Variants in UBIAD1 observed in about 807,000 individuals in gnomAD.
UBIAD1 encodes ubiA prenyltransferase domain-containing protein 1.
Under a neutral mutation model 20.1 loss-of-function variants are expected in UBIAD1, and 12 were observed. The observed-to-expected ratio is 0.60, with a 90% confidence interval of 0.38 to 0.97. The LOEUF is 0.97. Among genes scored for constraint, UBIAD1 ranks in the 50% least tolerant of loss-of-function variants. The pLI is 0.00. For synonymous variants in UBIAD1, 207 were observed against 189.2 expected, an observed-to-expected ratio of 1.09 and a Z score of -0.77; for missense variants, 333 against 419.5, an observed-to-expected ratio of 0.79 and a Z score of 1.80.
chr1:11,293,254 A>G (rs939909539), downstream of UBIAD1, among the ~76,000 whole-genome samples: 2 of 152,122 alleles, frequency 1.3e-5, no homozygotes, highest in African/African-American at 4.8e-5. Flanking sequence ...GGGGTCCTCC[A>G]AATTCCGCAC....
At chr1:11,292,603 G>C (rs1010169661), downstream of UBIAD1, among the ~76,000 whole-genome samples, 2 of 151,488 alleles carry the variant, frequency 1.3e-5, no homozygotes, top group Non-Finnish European at 2.9e-5. Context: ...TCAGACTGTT[G>C]ACTGTCTGGC....
At position 11,287,076 on chromosome 1, in the gene UBIAD1, G is replaced by A. The variant is rs2101024242; in HGVS notation, c.*945G>A. ...ACCTCTGTGGTGTTCCCATTTGTGT[G>A]TTTCCCATCTGTGGAGCCAGACTGA... On this transcript the variant is annotated 3_prime_UTR_variant, in exon 2 of 2. Transcript: ENST00000376810. The A allele has an allele frequency of 7.2e-6, 1 of 139,602 alleles. No homozygotes were observed. Among genetic ancestry groups the A allele is most frequent in the Non-Finnish European group, 1.5e-5 (1 of 66,726 alleles). The allele number at this position is 139,602 out of a possible 1,614,324, so 8.6% of individuals were successfully genotyped here. A position where few individuals can be genotyped will look rare whatever the true frequency, so the allele number is the denominator to read the frequency against.
downstream of UBIAD1, among the ~76,000 whole-genome samples, chr1:11,289,582 TG>T (rs1191535874): frequency 4.4e-4 from 67 of 152,168 alleles, no homozygotes; most frequent in African/African-American, 1.6e-3. Context: ...TTATTTTTTT[TG>T]AGACTATGTC....
downstream of UBIAD1, among the ~76,000 whole-genome samples, chr1:11,289,848 A>C (rs1457947901): frequency 6.6e-6 from 1 of 151,766 alleles, no homozygotes; most frequent in African/African-American, 2.4e-5. Flanking sequence ...CTCCCACCTT[A>C]GCCTCCTGAG....
At chr1:11,295,288 C>T, downstream of UBIAD1, 1 of 229,874 alleles carries the variant, frequency 4.4e-6, no homozygotes, top group South Asian at 7.5e-5. Context: ...AACCGAGGTG[C>T]TGATGGACAG....
At chr1:11,277,513 A>C (rs1652089375) in intron 1 of UBIAD1, among the ~76,000 whole-genome samples, 1 of 151,896 alleles carries the variant, frequency 6.6e-6, no homozygotes, top group Non-Finnish European at 1.5e-5. Flanking sequence ...ACCTCAAGTG[A>C]TCAACCCTCC....
intron 1 of UBIAD1, among the ~76,000 whole-genome samples, chr1:11,281,088 C>T (rs1184697964): frequency 6.6e-6 from 1 of 152,120 alleles, no homozygotes; most frequent in Admixed American, 6.6e-5. Context: ...CACAACCCCT[C>T]CTGCCCCTCC....
At chr1:11,298,870 G>A (rs563634156), downstream of UBIAD1, among the ~76,000 whole-genome samples, 115 of 152,370 alleles carry the variant, frequency 7.5e-4, no homozygotes, top group African/African-American at 2.4e-3. This position sits in a 1 kb window ranked among gnomAD's most constrained non-coding sequence, Gnocchi z 4.0. Flanking sequence ...TGACGGAGGC[G>A]AGGAGGAGGT....
downstream of UBIAD1, among the ~76,000 whole-genome samples, chr1:11,291,512 C>A (rs1404040562): frequency 4.7e-5 from 7 of 148,626 alleles, no homozygotes; most frequent in Admixed American, 4.1e-4. Context: ...GAGGCTGAGG[C>A]AGGAGAACTA....
At chr1:11,289,270 G>A (rs544615299), downstream of UBIAD1, among the ~76,000 whole-genome samples, 1 of 152,204 alleles carries the variant, frequency 6.6e-6, no homozygotes, top group Admixed American at 6.5e-5. Flanking sequence ...CCTTTGCTCC[G>A]CTGGATTCAA....
chr1:11,286,117 C>T lies in UBIAD1; in HGVS notation c.1003C>T (p.Leu335=). Residue 335 remains leucine, a synonymous_variant, in exon 2 of 2, where the codon CTG becomes TTG. Transcript: ENST00000376810. ...FGIILAPAGS[L]PKI ...CATCATTCTGGCACCAGCAGGCAGT[C>T]TGCCCAAAATTTAAGGGGACAAGTA... is the stretch of plus-strand genomic sequence containing the variant. The T allele has an allele frequency of 6.2e-7, 1 of 1,614,202 alleles. No homozygotes were observed. Among genetic ancestry groups the T allele is most frequent in the Non-Finnish European group, 8.5e-7 (1 of 1,180,036 alleles).
Position 11,286,257 on chromosome 1 carries a change from A to G in UBIAD1, c.*126A>G. On this transcript the variant is annotated 3_prime_UTR_variant, in exon 2 of 2. Transcript: ENST00000376810. ...GCATGGGTGGGAACTCCTGCCTTAT[A>G]AAAATTGTTTTTGTGTTCTTAAAGA... 2.3e-6 allele frequency: 3 copies of G among 1,290,286 alleles called. No homozygotes were observed. Among genetic ancestry groups the G allele is most frequent in the Non-Finnish European group, 3.2e-6 (3 of 925,772 alleles). 79.9% of individuals were successfully genotyped at this position (1,290,286 alleles called of 1,614,324 possible).
Position 11,287,281 on chromosome 1 carries a change from A to G in UBIAD1, c.*1150A>G, listed in dbSNP as rs908321025. The G allele has an allele frequency of 5.9e-5, 9 of 152,264 alleles. No homozygotes were observed. The highest frequency in any genetic ancestry group is 2.1e-4 in the South Asian group (1 of 4,832). 9.4% of individuals were successfully genotyped at this position (152,264 alleles called of 1,614,324 possible). On this transcript the variant is annotated 3_prime_UTR_variant, in exon 2 of 2. Coordinates refer to ENST00000376810, the MANE Select transcript of UBIAD1 (RefSeq NM_013319.3). Reference sequence around the variant, plus strand: ...CTTCATCCTTGAAGACAGATGTGCAATATTGACCCTGCCTCTCCCCAGGGC... The same window carrying G: ...CTTCATCCTTGAAGACAGATGTGCAGTATTGACCCTGCCTCTCCCCAGGGC...
Position 11,287,597 on chromosome 1 carries a change from G to T in UBIAD1, c.*1466G>T, listed in dbSNP as rs937847377. On this transcript the variant is annotated 3_prime_UTR_variant, in exon 2 of 2. Transcript: ENST00000376810. ...AATGATGATATGGAACCTTGAGTTC[G>T]AATTGATTGGTTTACTTGGAAAAAA... The T allele has an allele frequency of 6.6e-6, 1 of 152,136 alleles. No individual in the cohort carries two copies. Among genetic ancestry groups the T allele is most frequent in the Admixed American group, 6.6e-5 (1 of 15,266 alleles). The allele number at this position is 152,136 out of a possible 1,614,324, so 9.4% of individuals were successfully genotyped here.
At chr1:11,277,489 C>G (rs1397808603) in intron 1 of UBIAD1, among the ~76,000 whole-genome samples, 1 of 151,714 alleles carries the variant, frequency 6.6e-6, no homozygotes, top group South Asian at 2.1e-4. Context: ...CCAGGCTGGT[C>G]TCTCTAACTC....
At chr1:11,294,789 G>T (rs1638421760) in intron 1 of UBIAD1, 2 of 717,190 alleles carry the variant, frequency 2.8e-6, no homozygotes, top group Admixed American at 2.0e-5. Context: ...TACCCACGAT[G>T]ATGGAGGCGA....
In UBIAD1 at chr1:11,273,568, A is replaced by G; in HGVS notation, c.37A>G (p.Ile13Val). The change falls in exon 1 of 2, where the codon ATC becomes GTC. Residue 13 changes from isoleucine (I) to valine (V), a missense_variant. Physicochemically the swap from Ile to Val is conservative, Grantham distance 29. Transcript: ENST00000376810. This position sits in a 1 kb window ranked among gnomAD's most constrained non-coding sequence, Gnocchi z 4.9. ...TCAGGTCCTGGGGGAGAAGATTAAC[A>G]TCCTGTCGGGAGAGACTGTCAAAGC... is the stretch of plus-strand genomic sequence containing the variant. ...ASQVLGEKINILSGETVKAGD... is the reference protein window; with the variant it reads ...ASQVLGEKINVLSGETVKAGD... 6.2e-7 allele frequency: 1 copy of G among 1,613,404 alleles called. No homozygotes were observed. Among genetic ancestry groups the G allele is most frequent in the African/African-American group, 1.3e-5 (1 of 75,042 alleles).
intron 1 of UBIAD1, among the ~76,000 whole-genome samples, chr1:11,278,429 C>G (rs1456787979): frequency 1.3e-5 from 2 of 152,136 alleles, no homozygotes; most frequent in Admixed American, 1.3e-4. Context: ...TGCATTTTTC[C>G]TGTTACCTGA....
chr1:11,281,956 C>G (rs1165487466), intron 1 of UBIAD1, among the ~76,000 whole-genome samples: 2 of 152,202 alleles, frequency 1.3e-5, no homozygotes, highest in East Asian at 3.8e-4. Context: ...TGCTGACTAG[C>G]ATTCCATTGT....
Sources: gnomAD v4.1 joint callset for allele counts (sites outside exome capture counted in the v4.1 genomes callset) on GRCh38, gnomAD v4.1.1 for gene constraint, Gnocchi (gnomAD v3.1) non-coding constraint, MANE v1.5 for transcripts, NCBI Gene and HGNC (gene_info 2026-07-23, HGNC 2026-07-21) for gene names.